PTX3: variants seen among roughly 807,000 people sequenced by gnomAD.
PTX3 encodes the protein pentraxin 3.
In PTX3, 24 loss-of-function variants were observed where a neutral mutation model predicts 23.5. That is an observed-to-expected ratio of 1.02 (90% CI 0.74 to 1.43). The LOEUF (loss-of-function observed/expected upper bound fraction) is 1.43. Among genes scored for constraint, PTX3 ranks in the 40% most tolerant of loss-of-function variants. The probability of loss-of-function intolerance (pLI) is 0.00; values close to 1 mark genes in which losing one functional copy is unlikely to be tolerated. For missense variants in PTX3, 510 were observed against 497.5 expected, an observed-to-expected ratio of 1.02 and a Z score of -0.24; for synonymous variants, 218 against 205.4, an observed-to-expected ratio of 1.06 and a Z score of -0.53.
In PTX3 at chr3:157,442,534, A is replaced by G. The variant is rs764617952; in HGVS notation, c.701A>G (p.Tyr234Cys). 1.3e-5 allele frequency: 21 copies of G among 1,614,058 alleles called. No homozygotes were observed. The African/African-American group carries it at 2.5e-4, about 19-fold the overall frequency. ...LFSYGTKRNP[Y>C]EIQLYLSYQS... is the part of the protein sequence containing the mutation. ...TCCTATGGCACAAAGAGGAATCCATATGAAATCCAGCTGTATCTCAGCTAC... is the reference window on the plus strand; with the variant it reads ...TCCTATGGCACAAAGAGGAATCCATGTGAAATCCAGCTGTATCTCAGCTAC... The change falls in exon 3 of 3, where the codon TAT becomes TGT. Residue 234 changes from tyrosine (Y) to cysteine (C), a missense_variant. Tyr to Cys is a radical substitution (Grantham distance 194). Coordinates refer to ENST00000295927, the MANE Select transcript of PTX3 (RefSeq NM_002852.4).
chr3:157,442,047 G>A (rs1418801075), intron 2 of PTX3, among the ~76,000 whole-genome samples: 1 of 152,152 alleles, frequency 6.6e-6, no homozygotes, highest in Non-Finnish European at 1.5e-5. Context: ...AAAAAAAGCA[G>A]TAACAAAGAA....
intron 2 of PTX3, 31 bp downstream of exon 2, chr3:157,437,945 A>G: frequency 6.6e-7 from 1 of 1,523,846 alleles, no homozygotes. Context: ...GGGACCTCCC[A>G]CTGCGGCTTT....
In PTX3 at chr3:157,442,852, A is replaced by G. The variant is rs2109244707; in HGVS notation, c.1019A>G (p.Asp340Gly). 6.2e-7 allele frequency: 1 copy of G among 1,614,174 alleles called. No homozygotes were observed. The highest frequency in any genetic ancestry group is 2.2e-5 in the East Asian group (1 of 44,884). Residue 340 changes from aspartate (D) to glycine (G), a missense_variant, in exon 3 of 3, where the codon GAT (aspartate) becomes GGT (glycine). Physicochemically the swap from Asp to Gly is moderately conservative, Grantham distance 94. Transcript: ENST00000295927. ...AGACTCACAGGCTTCAATATCTGGG[A>G]TAGTGTTCTTAGCAATGAAGAGATA... ...SGRLTGFNIWDSVLSNEEIRE... is the reference protein window; with the variant it reads ...SGRLTGFNIWGSVLSNEEIRE...
Position 157,437,674 on chromosome 3 carries a change from A to G in PTX3, c.292A>G (p.Ser98Gly). The G allele has an allele frequency of 6.5e-7, 1 of 1,537,578 alleles. No individual in the cohort carries two copies. Among genetic ancestry groups the G allele is most frequent in the Non-Finnish European group, 8.7e-7 (1 of 1,145,536 alleles). The change falls in exon 2 of 3, where the codon AGC becomes GGC. Residue 98 changes from serine (S) to glycine (G), a missense_variant. Coordinates refer to ENST00000295927, the MANE Select transcript of PTX3 (RefSeq NM_002852.4). ...LREELGRLAESLARPCAPGAP... is the reference protein window; with the variant it reads ...LREELGRLAEGLARPCAPGAP... Reference sequence around the variant, plus strand: ...GGAGGAGCTGGGCCGGCTCGCGGAAAGCCTGGCGAGGCCGTGCGCGCCGGG... The same window carrying G: ...GGAGGAGCTGGGCCGGCTCGCGGAAGGCCTGGCGAGGCCGTGCGCGCCGGG...
At position 157,438,033 on chromosome 3, in the gene PTX3, G is replaced by GCACA. The variant is rs1187828452; in HGVS notation, c.532+120_532+121insACAC. On this transcript the variant is annotated intron_variant, in intron 2 of 2. Coordinates refer to ENST00000295927, the MANE Select transcript of PTX3 (RefSeq NM_002852.4). The stretch of plus-strand genomic sequence containing the variant: ...GCTTTCATGGGAAGCGCGCGCGCGC[G>GCACA]CGCGCACACACACACACACACACAC... 18 of 793,936 alleles carry GCACA rather than the reference G, an allele frequency of 2.3e-5. No homozygotes were observed. In the African/African-American group the frequency reaches 3.0e-4, roughly 13 times the overall value. The allele number at this position is 793,936 out of a possible 1,614,324, so 49.2% of individuals were successfully genotyped here.
chr3:157,437,592 G>A lies in PTX3; in HGVS notation c.210G>A (p.Glu70=). 1 of 1,581,740 alleles carries A rather than the reference G, an allele frequency of 6.3e-7. No homozygotes were observed. The change falls in exon 2 of 3, where the codon GAG becomes GAA. Residue 70 remains glutamate (E), a synonymous_variant. Transcript: ENST00000295927. Reference sequence around the variant, plus strand: ...TGCTGGAGAACTCGCAGATGAGAGAGCGCATGCTGCTGCAAGCCACGGACG... The same window carrying A: ...TGCTGGAGAACTCGCAGATGAGAGAACGCATGCTGCTGCAAGCCACGGACG... ...FIMLENSQMR[E]RMLLQATDDV...
In PTX3 at chr3:157,442,899, T is replaced by G; in HGVS notation, c.1066T>G (p.Ser356Ala). 1.2e-6 allele frequency: 2 copies of G among 1,613,862 alleles called. No homozygotes were observed. The highest frequency in any genetic ancestry group is 1.7e-6 in the Non-Finnish European group (2 of 1,179,966). ...GATAAGAGAGACCGGAGGAGCAGAG[T>G]CTTGTCACATCCGGGGGAATATTGT... Reference protein sequence around the residue: ...EEIRETGGAESCHIRGNIVGW... With the variant: ...EEIRETGGAEACHIRGNIVGW... Residue 356 changes from serine to alanine, a missense_variant, in exon 3 of 3, where the codon TCT (serine) becomes GCT (alanine). Ser to Ala is a moderately conservative substitution (Grantham distance 99). Transcript: ENST00000295927.
chr3:157,437,924 C>G lies in PTX3; in HGVS notation c.532+10C>G, dbSNP rs777529930. On this transcript the variant is annotated intron_variant, in intron 2 of 2. Transcript: ENST00000295927. ...AGCTGGCTGCCGGCAGGTAAGGAGG[C>G]AAGCGGGGCCGGGACCTCCCACTGC... The G allele has an allele frequency of 6.5e-7, 1 of 1,528,150 alleles. No individual in the cohort carries two copies. The highest frequency in any genetic ancestry group is 2.0e-5 in the Admixed American group (1 of 50,202). The allele number at this position is 1,528,150 out of a possible 1,614,324, so 94.7% of individuals were successfully genotyped here.
rs377051880 is a variant in PTX3, at chr3:157,442,555, G to C, written c.722G>C (p.Ser241Thr). The C allele has an allele frequency of 6.2e-7, 1 of 1,614,090 alleles. No individual in the cohort carries two copies. Among genetic ancestry groups the C allele is most frequent in the African/African-American group, 1.3e-5 (1 of 74,928 alleles). ...RNPYEIQLYL[S>T]YQSIVFVVGG... is the part of the protein sequence containing the mutation. ...CCATATGAAATCCAGCTGTATCTCA[G>C]CTACCAATCCATAGTGTTTGTGGTG... is the stretch of plus-strand genomic sequence containing the variant. The change falls in exon 3 of 3, where the codon AGC becomes ACC. Residue 241 changes from serine (S) to threonine (T), a missense_variant. Transcript: ENST00000295927.
At chr3:157,437,288 T>G (rs1733674250) in intron 1 of PTX3, among the ~76,000 whole-genome samples, 1 of 152,250 alleles carries the variant, frequency 6.6e-6, no homozygotes, top group African/African-American at 2.4e-5. Flanking sequence ...TGTTTTGAGC[T>G]ACATAACCGG....
At position 157,442,709 on chromosome 3, in the gene PTX3, C is replaced by T; in HGVS notation, c.876C>T (p.Thr292=). ...SLWVNGELAA[T]TVEMATGHIV... ...GGGTAAATGGTGAACTGGCGGCTAC[C>T]ACTGTTGAGATGGCCACAGGTCACA... Residue 292 remains threonine (T), a synonymous_variant, in exon 3 of 3, where the codon ACC becomes ACT. Transcript: ENST00000295927. 1 of 1,614,166 alleles carries T rather than the reference C, an allele frequency of 6.2e-7. No homozygotes were observed.
rs1237245016 is a variant in PTX3, at chr3:157,438,069, A to ACACACACACC, written c.532+158_532+159insACACACCCAC. 4.6e-3 allele frequency among the ~76,000 whole-genome samples: 681 copies of ACACACACACC among 149,518 alleles called. 5 individuals carry two copies. Among genetic ancestry groups the ACACACACACC allele is most frequent in the Middle Eastern group, 0.014 (4 of 288 alleles). The stretch of plus-strand genomic sequence containing the variant: ...CACACACACACACACACACACACAC[A>ACACACACACC]CACCCCTATTTCTGCATGCGCGGTC... On this transcript the variant is annotated intron_variant, in intron 2 of 2. Transcript: ENST00000295927.
At position 157,437,662 on chromosome 3, in the gene PTX3, C is replaced by T. The variant is rs1309026638; in HGVS notation, c.280C>T (p.Arg94Trp). 2 of 1,541,240 alleles carry T rather than the reference C, an allele frequency of 1.3e-6. No individual in the cohort carries two copies. The highest frequency in any genetic ancestry group is 2.4e-5 in the East Asian group (1 of 40,876). Residue 94 changes from arginine to tryptophan, a missense_variant, in exon 2 of 3, where the codon CGG becomes TGG. Coordinates refer to ENST00000295927, the MANE Select transcript of PTX3 (RefSeq NM_002852.4). ...GCAGAGGCTGCGGGAGGAGCTGGGCCGGCTCGCGGAAAGCCTGGCGAGGCC... is the reference window on the plus strand; with the variant it reads ...GCAGAGGCTGCGGGAGGAGCTGGGCTGGCTCGCGGAAAGCCTGGCGAGGCC... The part of the protein sequence containing the change: ...ELQRLREELG[R>W]LAESLARPCA...
At position 157,437,658 on chromosome 3, in the gene PTX3, G is replaced by A; in HGVS notation, c.276G>A (p.Leu92=). 6.5e-7 allele frequency: 1 copy of A among 1,542,174 alleles called. No individual in the cohort carries two copies. The highest frequency in any genetic ancestry group is 8.7e-7 in the Non-Finnish European group (1 of 1,146,890). The change falls in exon 2 of 3, where the codon CTG becomes CTA. Residue 92 remains leucine, a synonymous_variant. Transcript: ENST00000295927. ...AGCTGCAGAGGCTGCGGGAGGAGCTGGGCCGGCTCGCGGAAAGCCTGGCGA... is the reference window on the plus strand; with the variant it reads ...AGCTGCAGAGGCTGCGGGAGGAGCTAGGCCGGCTCGCGGAAAGCCTGGCGA... ...RGELQRLREE[L]GRLAESLARP... is the part of the protein sequence containing the mutation.
At position 157,437,001 on chromosome 3, in the gene PTX3, A is replaced by G. The variant is rs1180161451; in HGVS notation, c.68A>G (p.Tyr23Cys). Reference sequence around the variant, plus strand: ...GTGTTGGCCGAGAACTCGGATGATTATGATCTCATGTATGTGAATTTGGAC... The same window carrying G: ...GTGTTGGCCGAGAACTCGGATGATTGTGATCTCATGTATGTGAATTTGGAC... ...SAVLAENSDD[Y>C]DLMYVNLDNE... Residue 23 changes from tyrosine to cysteine, a missense_variant, in exon 1 of 3, where the codon TAT (tyrosine) becomes TGT (cysteine). Tyr to Cys is a radical substitution (Grantham distance 194). Transcript: ENST00000295927. 1.9e-6 allele frequency: 3 copies of G among 1,613,910 alleles called. No homozygotes were observed. Among genetic ancestry groups the G allele is most frequent in the African/African-American group, 2.7e-5 (2 of 74,918 alleles).
In PTX3 at chr3:157,437,597, T is replaced by C; in HGVS notation, c.215T>C (p.Met72Thr). 2 of 1,578,344 alleles carry C rather than the reference T, an allele frequency of 1.3e-6. No homozygotes were observed. Among genetic ancestry groups the C allele is most frequent in the East Asian group, 4.7e-5 (2 of 42,552 alleles). Residue 72 changes from methionine (M) to threonine (T), a missense_variant, in exon 2 of 3, where the codon ATG becomes ACG. Physicochemically the swap from Met to Thr is moderately conservative, Grantham distance 81. Transcript: ENST00000295927. ...GAGAACTCGCAGATGAGAGAGCGCA[T>C]GCTGCTGCAAGCCACGGACGACGTC... ...MLENSQMRER[M>T]LLQATDDVLR...
At chr3:157,438,543 A>G (rs1263370779) in intron 2 of PTX3, among the ~76,000 whole-genome samples, 1 of 152,156 alleles carries the variant, frequency 6.6e-6, no homozygotes, top group Non-Finnish European at 1.5e-5. Flanking sequence ...TTAGCGCGAC[A>G]GGGGAGGTCG....
rs751168113 is a variant in PTX3, at chr3:157,442,559, C to T, written c.726C>T (p.Tyr242=). 1.2e-6 allele frequency: 2 copies of T among 1,614,210 alleles called. No individual in the cohort carries two copies. Among genetic ancestry groups the T allele is most frequent in the South Asian group, 1.1e-5 (1 of 91,084 alleles). Residue 242 remains tyrosine, a synonymous_variant, in exon 3 of 3, where the codon TAC becomes TAT. Transcript: ENST00000295927. ...NPYEIQLYLS[Y]QSIVFVVGGE... is the part of the protein sequence containing the mutation. ...ATGAAATCCAGCTGTATCTCAGCTA[C>T]CAATCCATAGTGTTTGTGGTGGGTG...
At position 157,442,802 on chromosome 3, in the gene PTX3, T is replaced by G. The variant is rs1425958878; in HGVS notation, c.969T>G (p.Phe323Leu). 1 of 1,614,224 alleles carries G rather than the reference T, an allele frequency of 6.2e-7. No individual in the cohort carries two copies. The highest frequency in any genetic ancestry group is 1.1e-5 in the South Asian group (1 of 91,082). Residue 323 changes from phenylalanine to leucine, a missense_variant, in exon 3 of 3, where the codon TTT becomes TTG. Physicochemically the swap from Phe to Leu is conservative, Grantham distance 22 (BLOSUM62 0). Transcript: ENST00000295927. ...EKNGCCVGGG[F>L]DETLAFSGRL... ...ATGGCTGCTGTGTGGGTGGTGGCTT[T>G]GATGAAACATTAGCCTTCTCTGGGA...
Sources: allele counts gnomAD v4.1 joint callset (sites outside exome capture counted in the v4.1 genomes callset), GRCh38; gene constraint gnomAD v4.1.1; transcripts MANE v1.5; gene names NCBI Gene and HGNC (gene_info 2026-07-23, HGNC 2026-07-21).